SLC15A2: variants seen among roughly 807,000 people sequenced by gnomAD.
SLC15A2 encodes the protein kidney H(+)/peptide cotransporter.
Under a neutral mutation model 95.5 loss-of-function variants are expected in SLC15A2, and 77 were observed. The ratio of observed to expected loss-of-function variants is 0.81; its 90% CI spans 0.67 to 0.97. The LOEUF (loss-of-function observed/expected upper bound fraction) is 0.97, where lower values mean the gene tolerates loss of function less well. Among genes scored for constraint, SLC15A2 ranks in the 50% least tolerant of loss-of-function variants. The pLI is 0.00. For missense variants in SLC15A2, 893 were observed against 874.4 expected (o/e 1.02, Z -0.27); for synonymous variants, 306 against 306.9 (o/e 1.00, Z 0.03).
In SLC15A2 at chr3:121,920,623, T is replaced by G. The variant is rs567445933; in HGVS notation, c.698-1597T>G. 3.9e-5 allele frequency among the ~76,000 whole-genome samples: 6 copies of G among 152,310 alleles called. No homozygotes were observed. In the South Asian group the frequency reaches 1.2e-3, roughly 32 times the overall value. On this transcript the variant is annotated intron_variant, in intron 7 of 21. Transcript: ENST00000489711. ...CTAGGTACTTTTTTATCTGCCCACT[T>G]GACTCTCAGGATTAGCATTCCTCCA... is the stretch of plus-strand genomic sequence containing the variant.
chr3:121,909,170 C>A (rs973242024), intron 3 of SLC15A2, among the ~76,000 whole-genome samples: 7 of 152,122 alleles, frequency 4.6e-5, no homozygotes, highest in Admixed American at 3.9e-4. Context: ...TAAAGTGATC[C>A]TCCCATCTCA....
intron 3 of SLC15A2, among the ~76,000 whole-genome samples, chr3:121,904,692 G>A (rs2107574649): frequency 6.6e-6 from 1 of 152,288 alleles, no homozygotes; most frequent in African/African-American, 2.4e-5. Flanking sequence ...TGCATCCCAG[G>A]GATGAAGCCG....
In SLC15A2 at chr3:121,923,130, G is replaced by A. The variant is rs1710041613; in HGVS notation, c.957+1G>A. 2 of 1,613,714 alleles carry A rather than the reference G, an allele frequency of 1.2e-6. No individual in the cohort carries two copies. The highest frequency in any genetic ancestry group is 1.7e-5 in the Admixed American group (1 of 59,974). On this transcript the variant is annotated splice_donor_variant, in intron 10 of 21. Coordinates refer to ENST00000489711, the MANE Select transcript of SLC15A2 (RefSeq NM_021082.4). LOFTEE classifies it high-confidence loss of function. ...GTTCTGGGCTCTTTTGGATCAGCAG[G>A]TAAGAATAGTTCTTTTGGACATTAC... is the stretch of plus-strand genomic sequence containing the variant.
At chr3:121,928,387 G>T in intron 14 of SLC15A2, 34 bp from the exon 15 acceptor site, 2 of 1,607,388 alleles carry the variant, frequency 1.2e-6, no homozygotes, top group African/African-American at 1.3e-5. Context: ...AGGATTATTT[G>T]TTGGTGATTC....
At chr3:121,937,524 A>T (rs1315426540) in intron 19 of SLC15A2, among the ~76,000 whole-genome samples, 1 of 149,218 alleles carries the variant, frequency 6.7e-6, no homozygotes, top group Non-Finnish European at 1.5e-5. Flanking sequence ...TTCATCTTCC[A>T]TTGCTGATAC....
Position 121,940,468 on chromosome 3 carries a change from C to G in SLC15A2, c.1993C>G (p.Gln665Glu), listed in dbSNP as rs1221448763. 3.1e-6 allele frequency: 5 copies of G among 1,613,856 alleles called. No homozygotes were observed. Among genetic ancestry groups the G allele is most frequent in the Non-Finnish European group, 4.2e-6 (5 of 1,179,740 alleles). ...VGNIIVLVVA[Q>E]FSGLVQWAEF... ...GAATATCATCGTGCTTGTTGTGGCA[C>G]AGTTCAGTGGCCTGGTACAGGTATG... The change falls in exon 21 of 22, where the codon CAG becomes GAG. Residue 665 changes from glutamine (Q) to glutamate (E), a missense_variant. Transcript: ENST00000489711.
intron 3 of SLC15A2, 118 bp from the exon 4 acceptor site, chr3:121,911,455 TC>T (rs1267827817): frequency 9.2e-6 from 6 of 649,748 alleles, no homozygotes; most frequent in Non-Finnish European, 1.7e-5. Flanking sequence ...AATTCTTTCC[TC>T]CTCCCTCCTC....
Position 121,940,815 on chromosome 3 carries a change from T to A in SLC15A2, c.2014-16T>A. 1.2e-6 allele frequency: 2 copies of A among 1,603,220 alleles called. No individual in the cohort carries two copies. Among genetic ancestry groups the A allele is most frequent in the Non-Finnish European group, 1.7e-6 (2 of 1,175,500 alleles). ...AGGTTTCTCCATATTCTTCTCATAT[T>A]TATTTCCCCCTGCAGTGGGCCGAAT... On this transcript the variant is annotated splice_polypyrimidine_tract_variant and intron_variant, in intron 21 of 21. Transcript: ENST00000489711.
intron 3 of SLC15A2, among the ~76,000 whole-genome samples, chr3:121,903,125 T>C: frequency 6.6e-6 from 1 of 152,262 alleles, no homozygotes; most frequent in Non-Finnish European, 1.5e-5. Flanking sequence ...CATTTTTTCA[T>C]GTGTCTGTTG....
intron 19 of SLC15A2, chr3:121,939,084 GGT>G: frequency 3.4e-6 from 1 of 292,738 alleles, no homozygotes; most frequent in Non-Finnish European, 6.2e-6. Flanking sequence ...AGGGCAAAAC[GGT>G]GGAAATCCAA....
rs762158059 is a variant in SLC15A2, at chr3:121,939,460, T to G, written c.1873T>G (p.Phe625Val). 1 of 1,536,796 alleles carries G rather than the reference T, an allele frequency of 6.5e-7. No individual in the cohort carries two copies. The highest frequency in any genetic ancestry group is 2.1e-5 in the Admixed American group (1 of 46,752). ...YALVTAGEVM[F>V]SVTGLEFSYS... is the part of the protein sequence containing the mutation. ...CCTGGTTACAGCTGGGGAGGTCATGTTCTCTGTCACAGGTCTTGAGTTTTC... is the reference window on the plus strand; with the variant it reads ...CCTGGTTACAGCTGGGGAGGTCATGGTCTCTGTCACAGGTCTTGAGTTTTC... The change falls in exon 20 of 22, where the codon TTC becomes GTC. Residue 625 changes from phenylalanine to valine, a missense_variant. Transcript: ENST00000489711.
chr3:121,904,650 C>T (rs1213914203), intron 3 of SLC15A2, among the ~76,000 whole-genome samples: 2 of 152,132 alleles, frequency 1.3e-5, no homozygotes, highest in Admixed American at 6.5e-5. Context: ...TGCCGGATTA[C>T]GTTTATTGAT....
In SLC15A2 at chr3:121,929,295, G is replaced by A. The variant is rs780989370; in HGVS notation, c.1507-7G>A. On this transcript the variant is annotated splice_region_variant and splice_polypyrimidine_tract_variant and intron_variant, in intron 16 of 21. Transcript: ENST00000489711. ...CTGTTACTGATTTTTACTTTCCTCT[G>A]TTGTAGGTAAAGGATACAGAAAGCA... 3 of 1,613,732 alleles carry A rather than the reference G, an allele frequency of 1.9e-6. No homozygotes were observed. Among genetic ancestry groups the A allele is most frequent in the African/African-American group, 1.3e-5 (1 of 74,906 alleles).
At chr3:121,919,138 A>G (rs747510664) in intron 7 of SLC15A2, among the ~76,000 whole-genome samples, 26 of 152,322 alleles carry the variant, frequency 1.7e-4, no homozygotes, top group Admixed American at 7.8e-4. Flanking sequence ...GCCCCCAGAA[A>G]TGTTACAGCT....
At chr3:121,916,832 CT>C (rs1305436734) in intron 7 of SLC15A2, among the ~76,000 whole-genome samples, 13 of 149,682 alleles carry the variant, frequency 8.7e-5, no homozygotes, top group Admixed American at 8.6e-4. Context: ...CTTTTTTTTT[CT>C]TTTTTGAGAT....
At chr3:121,895,171 A>G (rs1006986349) in intron 1 of SLC15A2, among the ~76,000 whole-genome samples, 1 of 152,216 alleles carries the variant, frequency 6.6e-6, no homozygotes, top group Non-Finnish European at 1.5e-5. Context: ...ATGATAGCCA[A>G]AATTTACTGA....
In SLC15A2 at chr3:121,928,565, G is replaced by A. The variant is rs745420213; in HGVS notation, c.1341+10G>A. The A allele has an allele frequency of 6.2e-7, 1 of 1,611,470 alleles. No individual in the cohort carries two copies. Among genetic ancestry groups the A allele is most frequent in the Non-Finnish European group, 8.5e-7 (1 of 1,178,928 alleles). Reference sequence around the variant, plus strand: ...CATCAAATCCTTTCAGGTGAGGTGTGTACCTGAATGAATTAGAAACTCTGT... The same window carrying A: ...CATCAAATCCTTTCAGGTGAGGTGTATACCTGAATGAATTAGAAACTCTGT... On this transcript the variant is annotated intron_variant, in intron 15 of 21. Coordinates refer to ENST00000489711, the MANE Select transcript of SLC15A2 (RefSeq NM_021082.4).
chr3:121,923,820 A>G (rs1268074681), intron 11 of SLC15A2, among the ~76,000 whole-genome samples: 2 of 152,086 alleles, frequency 1.3e-5, no homozygotes, highest in East Asian at 3.8e-4. Context: ...CTATCTTCTC[A>G]GTTTTTGAAA....
intron 17 of SLC15A2, among the ~76,000 whole-genome samples, chr3:121,930,598 G>A (rs1288227796): frequency 1.3e-5 from 2 of 152,132 alleles, no homozygotes; most frequent in African/African-American, 2.4e-5. Flanking sequence ...GTCTGGTGAG[G>A]ATGTGGCAGA....
Sources: allele counts gnomAD v4.1 joint callset (sites outside exome capture counted in the v4.1 genomes callset), GRCh38; gene constraint gnomAD v4.1.1; transcripts MANE v1.5; gene names NCBI Gene and HGNC (gene_info 2026-07-23, HGNC 2026-07-21).